CGNL1: variants seen among roughly 807,000 people sequenced by gnomAD.
CGNL1 encodes cingulin-like protein 1.
In CGNL1, 132 loss-of-function variants were observed where a neutral mutation model predicts 141.2. The ratio of observed to expected loss-of-function variants is 0.93; its 90% CI spans 0.81 to 1.08. The LOEUF is 1.08. CGNL1 is among the 50% of genes least tolerant of loss of function. The pLI is 0.00. For synonymous variants in CGNL1, 690 were observed against 622.1 expected (o/e 1.11, Z -1.63); for missense variants, 1,870 against 1,588.6 (o/e 1.18, Z -3.01).
At chr15:57,449,982 AAGTTTTGTT>A (rs2063302088) in intron 4 of CGNL1, among the ~76,000 whole-genome samples, 1 of 152,144 alleles carries the variant, frequency 6.6e-6, no homozygotes, top group Admixed American at 6.5e-5. Context: ...GATTGCTTCC[AAGTTTTGTT>A]AGTTATGAAT....
At chr15:57,504,286 G>C (rs932371249) in intron 8 of CGNL1, among the ~76,000 whole-genome samples, 4 of 152,192 alleles carry the variant, frequency 2.6e-5, no homozygotes, top group Non-Finnish European at 5.9e-5. Context: ...GGAGATTACA[G>C]CTCAGTAAAA....
intron 8 of CGNL1, among the ~76,000 whole-genome samples, chr15:57,497,725 TGGCTTCAGCTCAGGCCACAGGA>T (rs2063960931): frequency 6.6e-6 from 1 of 152,198 alleles, no homozygotes; most frequent in African/African-American, 2.4e-5. Flanking sequence ...CTGGAAATGG[TGGCTTCAGCTCAGGCCACAGGA>T]GCTGAGCATG....
intron 12 of CGNL1, 136 bp from the exon 13 acceptor site, chr15:57,528,518 C>A (rs777715234): frequency 2.0e-5 from 17 of 845,044 alleles, no homozygotes; most frequent in Non-Finnish European, 2.6e-5. Flanking sequence ...AGGACTTGCT[C>A]AAGGTCTTCT....
intron 13 of CGNL1, 190 bp downstream of exon 13, chr15:57,529,005 A>C: frequency 3.6e-6 from 2 of 559,016 alleles, no homozygotes; most frequent in Non-Finnish European, 6.3e-6. Context: ...TCAGGACATC[A>C]GAGCTAGAAG....
At chr15:57,408,240 A>T (rs1045297952) in intron 1 of CGNL1, among the ~76,000 whole-genome samples, 1 of 152,066 alleles carries the variant, frequency 6.6e-6, no homozygotes, top group African/African-American at 2.4e-5. Context: ...GCACACCGTT[A>T]TGTTTATTTT....
chr15:57,439,503 G>A lies in CGNL1; in HGVS notation c.1504G>A (p.Ala502Thr), dbSNP rs368066063. The change falls in exon 2 of 19, where the codon GCT becomes ACT. Residue 502 changes from alanine (A) to threonine (T), a missense_variant. Ala to Thr is a moderately conservative substitution (Grantham distance 58). Transcript: ENST00000281282. ...KKEEEVKTAT[A>T]TLMLQNRATA... Reference sequence around the variant, plus strand: ...GGAGGAGGAGGTGAAAACAGCCACCGCTACGCTGATGTTACAGAACCGGGC... The same window carrying A: ...GGAGGAGGAGGTGAAAACAGCCACCACTACGCTGATGTTACAGAACCGGGC... The A allele has an allele frequency of 1.1e-5, 18 of 1,614,098 alleles. No homozygotes were observed. The Middle Eastern group carries it at 4.9e-4, about 44-fold the overall frequency.
At chr15:57,383,641 T>G (rs1264034267) in intron 1 of CGNL1, among the ~76,000 whole-genome samples, 2 of 140,888 alleles carry the variant, frequency 1.4e-5, no homozygotes, top group Non-Finnish European at 3.0e-5. Context: ...CTTTTTTTTT[T>G]TGAGATAATC....
intron 7 of CGNL1, among the ~76,000 whole-genome samples, chr15:57,458,046 C>T (rs2063400822): frequency 6.6e-6 from 1 of 152,190 alleles, no homozygotes; most frequent in African/African-American, 2.4e-5. Flanking sequence ...GTTAGAATCT[C>T]AGAGCTTCGT....
chr15:57,513,619 C>T (rs761544666), intron 8 of CGNL1, among the ~76,000 whole-genome samples: 3 of 152,120 alleles, frequency 2.0e-5, no homozygotes, highest in Non-Finnish European at 4.4e-5. Flanking sequence ...CTCCTGGGTT[C>T]AAGCGATTCT....
chr15:57,543,176 T>G (rs1460283130), intron 14 of CGNL1, among the ~76,000 whole-genome samples: 1 of 152,090 alleles, frequency 6.6e-6, no homozygotes, highest in Non-Finnish European at 1.5e-5. Flanking sequence ...TCTGGCAATC[T>G]TTGGTAATCA....
Position 57,516,774 on chromosome 15 carries a change from T to A in CGNL1, c.2404-6T>A. On this transcript the variant is annotated splice_polypyrimidine_tract_variant and splice_region_variant and intron_variant, in intron 8 of 18. Coordinates refer to ENST00000281282, the MANE Select transcript of CGNL1 (RefSeq NM_032866.5). ...TCCTTGTTCATTTGCTTTGTGTTTT[T>A]AACAGAATGTCGAGGTCTTGGCGAG... 1.2e-6 allele frequency: 2 copies of A among 1,613,848 alleles called. No homozygotes were observed. The highest frequency in any genetic ancestry group is 1.7e-6 in the Non-Finnish European group (2 of 1,179,872).
chr15:57,421,625 C>G (rs1035629624), intron 1 of CGNL1, among the ~76,000 whole-genome samples: 3 of 152,094 alleles, frequency 2.0e-5, no homozygotes, highest in Admixed American at 2.0e-4. Context: ...GGCCCCTTTC[C>G]CCAAATATTC....
intron 1 of CGNL1, among the ~76,000 whole-genome samples, chr15:57,409,340 A>T (rs185521439): frequency 3.5e-4 from 54 of 152,348 alleles, no homozygotes; most frequent in Admixed American, 2.1e-3. Flanking sequence ...CTTGAATTCC[A>T]TGCTGAGGAG....
intron 12 of CGNL1, among the ~76,000 whole-genome samples, chr15:57,526,251 CCTGTGAGACA>C (rs1200417108): frequency 1.3e-5 from 2 of 152,070 alleles, no homozygotes; most frequent in Non-Finnish European, 2.9e-5. Flanking sequence ...CTGATGCAGC[CCTGTGAGACA>C]CTGTTTCCAT....
chr15:57,524,763 C>A lies in CGNL1; in HGVS notation c.3039+12C>A, dbSNP rs777155583. The A allele has an allele frequency of 1.2e-6, 2 of 1,612,714 alleles. No individual in the cohort carries two copies. Among genetic ancestry groups the A allele is most frequent in the East Asian group, 4.5e-5 (2 of 44,838 alleles). On this transcript the variant is annotated intron_variant, in intron 12 of 18. Transcript: ENST00000281282. ...AAATGCAGGATGAGGTAATGCCTGG[C>A]CAGATAAGTTCTTCCTTTATCCCTT...
chr15:57,456,729 C>G (rs1412006243), intron 7 of CGNL1, among the ~76,000 whole-genome samples: 1 of 151,850 alleles, frequency 6.6e-6, no homozygotes, highest in African/African-American at 2.4e-5. Context: ...GGTGACAGGT[C>G]AACGTGAGAC....
intron 8 of CGNL1, among the ~76,000 whole-genome samples, chr15:57,497,801 G>A (rs1034978978): frequency 1.3e-5 from 2 of 152,224 alleles, no homozygotes; most frequent in Non-Finnish European, 2.9e-5. Context: ...ATGCACACAC[G>A]GGCGGCGGCC....
Position 57,550,417 on chromosome 15 carries a change from G to A in CGNL1, c.*2927G>A, listed in dbSNP as rs897897313. On this transcript the variant is annotated 3_prime_UTR_variant, in exon 19 of 19. Coordinates refer to ENST00000281282, the MANE Select transcript of CGNL1 (RefSeq NM_032866.5). ...GTTTTTTGCTTTAAGAACTAACCCC[G>A]ATCAAGAGTATTTTCTTTAGCTAGC... The A allele has an allele frequency of 1.3e-5, 2 of 152,480 alleles. No homozygotes were observed. The highest frequency in any genetic ancestry group is 6.6e-5 in the Admixed American group (1 of 15,266). The allele number at this position is 152,480 out of a possible 1,614,324, so 9.4% of individuals were successfully genotyped here. A position where few individuals can be genotyped will look rare whatever the true frequency, so the allele number is the denominator to read the frequency against.
intron 8 of CGNL1, among the ~76,000 whole-genome samples, chr15:57,463,728 G>A (rs1304253354): frequency 6.6e-6 from 1 of 152,228 alleles, no homozygotes; most frequent in East Asian, 1.9e-4. Flanking sequence ...GCATGGTAGG[G>A]AAGAAGTCCC....
Sources: allele counts gnomAD v4.1 joint callset (sites outside exome capture counted in the v4.1 genomes callset), GRCh38; gene constraint gnomAD v4.1.1; transcripts MANE v1.5; gene names NCBI Gene and HGNC (gene_info 2026-07-23, HGNC 2026-07-21).